TNFAIP8: variants seen among roughly 807,000 people sequenced by gnomAD.
The protein encoded by TNFAIP8 is tumor necrosis factor alpha-induced protein 8.
In TNFAIP8, 7 loss-of-function variants were observed where a neutral mutation model predicts 13.3. That is an observed-to-expected ratio of 0.52 (90% CI 0.30 to 0.99). The LOEUF (loss-of-function observed/expected upper bound fraction) is 0.99, where lower values mean the gene tolerates loss of function less well. TNFAIP8 is among the 50% of genes least tolerant of loss of function. TNFAIP8 has a pLI of 0.07. For missense variants in TNFAIP8, 258 were observed against 236.9 expected (o/e 1.09, Z -0.58); for synonymous variants, 94 against 87.6 (o/e 1.07, Z -0.41).
At chr5:119,374,439 G>A (rs1444016914) in intron 1 of TNFAIP8, among the ~76,000 whole-genome samples, 1 of 152,198 alleles carries the variant, frequency 6.6e-6, no homozygotes, top group Non-Finnish European at 1.5e-5. Context: ...CATAGATACA[G>A]CATGACTTTT....
chr5:119,338,360 G>A (rs6862320), intron 1 of TNFAIP8, among the ~76,000 whole-genome samples: 15,937 of 152,144 alleles, frequency 0.1, 1,035 homozygotes, highest in African/African-American at 0.2. Flanking sequence ...GCTGTGAGTC[G>A]GAGAGGAAGA....
rs3797342 is a variant in TNFAIP8, at chr5:119,356,137, C to T, written c.31+16C>T. The T allele has an allele frequency of 0.2, 317,416 of 1,567,528 alleles. 33,289 individuals carry two copies. The highest frequency in any genetic ancestry group is 0.22 in the African/African-American group (16,146 of 72,900). On this transcript the variant is annotated intron_variant, in intron 1 of 1. Coordinates refer to ENST00000504771, the MANE Select transcript of TNFAIP8 (RefSeq NM_014350.4). ...TCCAAGGAAGGTAGGATTCTGGTTT[C>T]TCCTGGGGGCCGGCCAAGTTCTGCG...
intron 1 of TNFAIP8, among the ~76,000 whole-genome samples, chr5:119,327,643 G>C (rs1750261330): frequency 6.6e-6 from 1 of 152,090 alleles, no homozygotes; most frequent in Non-Finnish European, 1.5e-5. Flanking sequence ...ATTTTTAGTA[G>C]ATACGGGGTT....
intron 1 of TNFAIP8, among the ~76,000 whole-genome samples, chr5:119,307,391 A>C (rs1167190684): frequency 1.3e-5 from 2 of 152,220 alleles, no homozygotes; most frequent in Non-Finnish European, 2.9e-5. Flanking sequence ...TTGCTGAGTC[A>C]GAAGGTGTAC....
intron 1 of TNFAIP8, among the ~76,000 whole-genome samples, chr5:119,297,865 C>T (rs1749228111): frequency 1.3e-5 from 2 of 152,250 alleles, no homozygotes; most frequent in Middle Eastern, 3.4e-3. Flanking sequence ...GTGTAATGGC[C>T]TTCTTTGTCT....
At chr5:119,358,604 C>CT (rs1374389893) in intron 1 of TNFAIP8, among the ~76,000 whole-genome samples, 1 of 152,122 alleles carries the variant, frequency 6.6e-6, no homozygotes, top group Non-Finnish European at 1.5e-5. Context: ...AAGAAACTCA[C>CT]TTTTTTAAAA....
intron 1 of TNFAIP8, among the ~76,000 whole-genome samples, chr5:119,311,827 A>T (rs1749742270): frequency 6.6e-6 from 1 of 152,098 alleles, no homozygotes; most frequent in South Asian, 2.1e-4. Context: ...TGAAGGAGGG[A>T]CAAAGCTCTG....
At chr5:119,346,411 T>G (rs1750903485) in intron 1 of TNFAIP8, among the ~76,000 whole-genome samples, 1 of 152,178 alleles carries the variant, frequency 6.6e-6, no homozygotes, top group African/African-American at 2.4e-5. Flanking sequence ...GTCTCTACAG[T>G]ACTCTCCACT....
chr5:119,299,635 C>T (rs554826740), intron 1 of TNFAIP8, among the ~76,000 whole-genome samples: 1 of 152,302 alleles, frequency 6.6e-6, no homozygotes, highest in Admixed American at 6.5e-5. Flanking sequence ...CTGCTCTCTT[C>T]AAAGCTGTCA....
intron 1 of TNFAIP8, among the ~76,000 whole-genome samples, chr5:119,275,509 TA>T (rs1229284997): frequency 6.6e-6 from 1 of 152,170 alleles, no homozygotes; most frequent in Non-Finnish European, 1.5e-5. Context: ...CCGTTTCCCC[TA>T]ACCCAGGCCT....
chr5:119,282,041 A>C lies in TNFAIP8; in HGVS notation c.1+13134A>C, dbSNP rs77707839. Among the ~76,000 whole-genome samples, 944 of 152,340 alleles carry C rather than the reference A, an allele frequency of 6.2e-3. 16 individuals are homozygous for C. Among genetic ancestry groups the C allele is most frequent in the African/African-American group, 0.022 (910 of 41,562 alleles). On this transcript the variant is annotated intron_variant, in intron 1 of 1. Transcript: ENST00000274456. The stretch of plus-strand genomic sequence containing the variant: ...ATGATGATCTCAATGTTTTCCTGCT[A>C]TACGTGCTACTCTTTTAGCACTTTT...
intron 1 of TNFAIP8, among the ~76,000 whole-genome samples, chr5:119,379,578 T>C (rs1429848652): frequency 6.6e-6 from 1 of 152,092 alleles, no homozygotes; most frequent in East Asian, 1.9e-4. Context: ...GCTCCTTCAT[T>C]TGATTTGTTT....
At chr5:119,322,841 C>G (rs1750106285) in intron 1 of TNFAIP8, among the ~76,000 whole-genome samples, 1 of 152,164 alleles carries the variant, frequency 6.6e-6, no homozygotes. Flanking sequence ...CATTCCAGGC[C>G]CAAGCTCTTG....
intron 1 of TNFAIP8, among the ~76,000 whole-genome samples, chr5:119,379,056 T>C (rs1008888760): frequency 1.3e-5 from 2 of 152,186 alleles, no homozygotes; most frequent in Non-Finnish European, 1.5e-5. Context: ...GAGTGAGACA[T>C]TGTCTTTTAA....
In TNFAIP8 at chr5:119,397,311, G is replaced by T. The variant is rs1352365533; in HGVS notation, c.*3930G>T. 6 of 152,132 alleles carry T rather than the reference G, an allele frequency of 3.9e-5. No homozygotes were observed. The highest frequency in any genetic ancestry group is 6.5e-5 in the Admixed American group (1 of 15,272). 9.4% of individuals were successfully genotyped at this position (152,132 alleles called of 1,614,324 possible). A position where few individuals can be genotyped will look rare whatever the true frequency, so the allele number is the denominator to read the frequency against. ...AAAACCTGACAAATGGTAAATAAAA[G>T]AATATGTTTATCCAAATGATGAAAT... On this transcript the variant is annotated 3_prime_UTR_variant, in exon 2 of 2. Transcript: ENST00000504771.
At chr5:119,391,561 A>G (rs560794023) in intron 1 of TNFAIP8, 3 of 588,366 alleles carry the variant, frequency 5.1e-6, no homozygotes, top group Non-Finnish European at 9.5e-6. Context: ...GGAGTTCGAG[A>G]CCAGCCTGGC....
intron 1 of TNFAIP8, among the ~76,000 whole-genome samples, chr5:119,277,168 C>T (rs185473095): frequency 6.6e-6 from 1 of 152,290 alleles, no homozygotes; most frequent in Non-Finnish European, 1.5e-5. Flanking sequence ...TGTGGTCACA[C>T]TGCAACTGTG....
At chr5:119,391,275 A>G (rs901396732) in intron 1 of TNFAIP8, 9 of 654,438 alleles carry the variant, frequency 1.4e-5, no homozygotes, top group African/African-American at 1.1e-4. Flanking sequence ...ATAATCTTAT[A>G]TAATCATTGA....
At chr5:119,382,701 G>T (rs539405559) in intron 1 of TNFAIP8, among the ~76,000 whole-genome samples, 3 of 152,328 alleles carry the variant, frequency 2.0e-5, no homozygotes, top group Admixed American at 2.0e-4. Flanking sequence ...GCATAGAGAG[G>T]TTAGATAATT....
Sources: allele counts gnomAD v4.1 joint callset (sites outside exome capture counted in the v4.1 genomes callset), GRCh38; gene constraint gnomAD v4.1.1; transcripts MANE v1.5; gene names NCBI Gene and HGNC (gene_info 2026-07-23, HGNC 2026-07-21).